Variants in PDE12 observed in about 807,000 individuals in gnomAD.
PDE12 encodes the protein 2',5'-phosphodiesterase 12.
Under a neutral mutation model 45.4 loss-of-function variants are expected in PDE12, and 26 were observed. The ratio of observed to expected loss-of-function variants is 0.57; its 90% CI spans 0.42 to 0.79. PDE12 has a LOEUF of 0.79. Ranked by LOEUF, PDE12 falls within the 30% of genes least tolerant of loss-of-function variation. The pLI is 0.00. For missense variants in PDE12, 668 were observed against 790.0 expected (o/e 0.85, Z 1.85); for synonymous variants, 283 against 323.9 (o/e 0.87, Z 1.36).
At chr3:57,558,733 G>C (rs34069342) in intron 1 of PDE12, among the ~76,000 whole-genome samples, 3 of 148,692 alleles carry the variant, frequency 2.0e-5, no homozygotes, top group East Asian at 2.1e-4. Context: ...CTCGTGATCC[G>C]CCCGCCTCAG....
At chr3:57,601,852 C>G in the PDE12 span, among the ~76,000 whole-genome samples, 1 of 147,524 alleles carries the variant, frequency 6.8e-6, no homozygotes, top group Admixed American at 6.9e-5. Context: ...TCAGGTGATT[C>G]TCCTGCCTCA....
At chr3:57,637,159 A>T in the PDE12 span, among the ~76,000 whole-genome samples, 1 of 152,172 alleles carries the variant, frequency 6.6e-6, no homozygotes, top group Admixed American at 6.6e-5. Flanking sequence ...TTTATTTATG[A>T]TGCCCATTTC....
At chr3:57,610,201 C>T in the PDE12 span, among the ~76,000 whole-genome samples, 1 of 152,116 alleles carries the variant, frequency 6.6e-6, no homozygotes, top group South Asian at 2.1e-4. Flanking sequence ...ATGCTAAAAA[C>T]TCTTAATAAA....
At chr3:57,597,233 A>C in the PDE12 span, 7 of 1,253,898 alleles carry the variant, frequency 5.6e-6, no homozygotes, top group African/African-American at 1.5e-5. Context: ...ACTAAACGAG[A>C]GGGAAGAGAA....
the PDE12 span, among the ~76,000 whole-genome samples, chr3:57,613,423 A>G: frequency 6.6e-6 from 1 of 150,776 alleles, no homozygotes; most frequent in East Asian, 2.0e-4. Flanking sequence ...CCTCCCAAGT[A>G]GCTGCGATTA....
the PDE12 span, among the ~76,000 whole-genome samples, chr3:57,610,736 G>C: frequency 6.6e-6 from 1 of 152,130 alleles, no homozygotes; most frequent in South Asian, 2.1e-4. Context: ...AAATAAAGGA[G>C]GACACAAACA....
At chr3:57,575,649 C>T in the PDE12 span, 2 of 1,611,652 alleles carry the variant, frequency 1.2e-6, no homozygotes, top group South Asian at 2.2e-5. Flanking sequence ...AGCAGCACTG[C>T]ATCTCTCAAT....
At chr3:57,638,832 G>A in the PDE12 span, among the ~76,000 whole-genome samples, 1 of 152,250 alleles carries the variant, frequency 6.6e-6, no homozygotes, top group South Asian at 2.1e-4. Context: ...GCCAGGTGTG[G>A]TGGCTCCCAC....
chr3:57,584,797 C>T, the PDE12 span, among the ~76,000 whole-genome samples: 1 of 151,358 alleles, frequency 6.6e-6, no homozygotes, highest in African/African-American at 2.4e-5. Context: ...AATAAAGGGA[C>T]TGGATCAGAT....
rs1326286289 is a variant in PDE12, at chr3:57,562,431, G to A, written c.*2427G>A. ...ATACGGATACGTTAAAATGATTGGA[G>A]TCCAAAGGTAGGGAACACTAAGAAA... On this transcript the variant is annotated 3_prime_UTR_variant, in exon 3 of 3. Coordinates refer to ENST00000311180, the MANE Select transcript of PDE12 (RefSeq NM_177966.7). 1.3e-5 allele frequency: 2 copies of A among 152,204 alleles called. No homozygotes were observed. The highest frequency in any genetic ancestry group is 2.9e-5 in the Non-Finnish European group (2 of 68,036). 9.4% of individuals were successfully genotyped at this position (152,204 alleles called of 1,614,324 possible). A position where few individuals can be genotyped will look rare whatever the true frequency, so the allele number is the denominator to read the frequency against.
At chr3:57,633,655 G>A in the PDE12 span, among the ~76,000 whole-genome samples, 20,136 of 152,186 alleles carry the variant, frequency 0.13, 1,424 homozygotes, top group South Asian at 0.21. Flanking sequence ...TTGGGAAGGT[G>A]AGGTGGGTGG....
chr3:57,630,618 T>C, the PDE12 span: 5 of 1,523,694 alleles, frequency 3.3e-6, no homozygotes, highest in African/African-American at 7.0e-5. Flanking sequence ...CAAACTTTAG[T>C]AGAATTTTTT....
At chr3:57,632,494 C>T in the PDE12 span, among the ~76,000 whole-genome samples, 1 of 152,102 alleles carries the variant, frequency 6.6e-6, no homozygotes, top group Non-Finnish European at 1.5e-5. Flanking sequence ...TGCTCATAAG[C>T]ACTACAGTAA....
At chr3:57,583,483 A>G in the PDE12 span, among the ~76,000 whole-genome samples, 1 of 152,244 alleles carries the variant, frequency 6.6e-6, no homozygotes, top group Non-Finnish European at 1.5e-5. Flanking sequence ...AAATCAATGC[A>G]GCGAACTGAC....
chr3:57,633,253 T>G, the PDE12 span: 2 of 1,602,064 alleles, frequency 1.2e-6, no homozygotes, highest in Middle Eastern at 3.7e-4. Flanking sequence ...AAAAATTTAT[T>G]TATTAACTTA....
At chr3:57,568,313 A>G (rs7627159), downstream of PDE12, among the ~76,000 whole-genome samples, 127,121 of 151,746 alleles carry the variant, frequency 0.84, 53,896 homozygotes, top group African/African-American at 0.95. Flanking sequence ...AAATTAGCCA[A>G]GACTGATGGC....
chr3:57,646,929 T>C, the PDE12 span, among the ~76,000 whole-genome samples: 1 of 152,222 alleles, frequency 6.6e-6, no homozygotes, highest in East Asian at 1.9e-4. Flanking sequence ...GCGAAACTCC[T>C]GGGCAGATAC....
chr3:57,575,305 CAAAAAAAA>C, the PDE12 span, among the ~76,000 whole-genome samples: 28 of 134,998 alleles, frequency 2.1e-4, no homozygotes, highest in Admixed American at 9.5e-4. Flanking sequence ...CCTCTCCCTT[CAAAAAAAA>C]AAAAAAAGAA....
the PDE12 span, among the ~76,000 whole-genome samples, chr3:57,580,155 G>A: frequency 2.7e-4 from 41 of 152,168 alleles, no homozygotes; most frequent in Middle Eastern, 3.4e-3. Context: ...AGTGTGGTGG[G>A]AAGACAGACT....
Sources: gnomAD v4.1 joint callset for allele counts (sites outside exome capture counted in the v4.1 genomes callset) on GRCh38, gnomAD v4.1.1 for gene constraint, MANE v1.5 for transcripts, NCBI Gene and HGNC (gene_info 2026-07-23, HGNC 2026-07-21) for gene names.